The following SPAG16 variants were observed in gnomAD, a reference collection of about 807,000 sequenced individuals.
SPAG16 encodes sperm-associated antigen 16 protein.
A neutral mutation model predicts 80.4 loss-of-function variants in SPAG16; 86 were observed. The ratio of observed to expected loss-of-function variants is 1.07; its 90% CI spans 0.90 to 1.28. The LOEUF (loss-of-function observed/expected upper bound fraction) is 1.28. Ranked by LOEUF, SPAG16 falls within the 50% of genes most tolerant of loss-of-function variation. The probability of loss-of-function intolerance (pLI) is 0.00; values close to 1 mark genes in which losing one functional copy is unlikely to be tolerated. For synonymous variants in SPAG16, 294 were observed against 265.9 expected (o/e 1.11, Z -1.03); for missense variants, 870 against 765.3 (o/e 1.14, Z -1.61).
intron 10 of SPAG16, among the ~76,000 whole-genome samples, chr2:213,824,504 T>C (rs2073149078): frequency 6.6e-6 from 1 of 152,244 alleles, no homozygotes; most frequent in African/African-American, 2.4e-5. Flanking sequence ...GATTTTCCTT[T>C]CGCCTTTGTG....
chr2:214,410,304 A>C lies in SPAG16; in HGVS notation c.1885A>C (p.Thr629Pro), dbSNP rs143947286. 3 of 1,598,230 alleles carry C rather than the reference A, an allele frequency of 1.9e-6. No homozygotes were observed. The highest frequency in any genetic ancestry group is 2.6e-6 in the Non-Finnish European group (3 of 1,166,934). ...FSGGSDGTVRTWS is the reference protein window; with the variant it reads ...FSGGSDGTVRPWS ...TGGAGGCTCTGACGGCACAGTTCGAACGTGGTCTTGACCGTCAGCACATCC... is the reference window on the plus strand; with the variant it reads ...TGGAGGCTCTGACGGCACAGTTCGACCGTGGTCTTGACCGTCAGCACATCC... The change falls in exon 16 of 16, where the codon ACG becomes CCG. Residue 629 changes from threonine to proline, a missense_variant. By Grantham distance (38) the Thr-to-Pro change is conservative. Coordinates refer to ENST00000331683, the MANE Select transcript of SPAG16 (RefSeq NM_024532.5).
At position 214,177,001 on chromosome 2, in the gene SPAG16, G is replaced by T. The variant is rs2057110501; in HGVS notation, c.1720+27735G>T. Among the ~76,000 whole-genome samples the T allele has an allele frequency of 2.7e-5, 4 of 150,802 alleles. No individual in the cohort carries two copies. In the South Asian group the frequency reaches 8.3e-4, roughly 31 times the overall value. ...ATATCTATATTCAGTTATAATTGGG[G>T]AAAAACCCTCACTTCTGGAGTGCTG... On this transcript the variant is annotated intron_variant, in intron 15 of 15. Transcript: ENST00000331683.
At chr2:214,188,672 T>C (rs1335305668) in intron 15 of SPAG16, among the ~76,000 whole-genome samples, 3 of 152,172 alleles carry the variant, frequency 2.0e-5, no homozygotes, top group Non-Finnish European at 4.4e-5. Context: ...TCTAAGTCTC[T>C]TCCTATCCTT....
At chr2:213,350,111 A>C (rs939708770) in intron 6 of SPAG16, among the ~76,000 whole-genome samples, 4 of 152,226 alleles carry the variant, frequency 2.6e-5, no homozygotes, top group African/African-American at 9.6e-5. Flanking sequence ...ACTTGTTTTA[A>C]AGACTATCCT....
At chr2:214,152,862 C>A (rs2056044011) in intron 15 of SPAG16, among the ~76,000 whole-genome samples, 1 of 152,068 alleles carries the variant, frequency 6.6e-6, no homozygotes, top group Non-Finnish European at 1.5e-5. Context: ...ACAGCTTATG[C>A]CATTATTTCT....
In SPAG16 at chr2:213,348,355, C is replaced by T. The variant is rs141297299; in HGVS notation, c.645-2173C>T. ...CAGTTTGCCAGTCTGTGTCTTTTAA[C>T]GGGAGCATTTAGCCCATTTACATTT... On this transcript the variant is annotated intron_variant, in intron 6 of 15. Transcript: ENST00000331683. 2.3e-3 allele frequency among the ~76,000 whole-genome samples: 353 copies of T among 152,170 alleles called. 5 individuals are homozygous for T. The highest frequency in any genetic ancestry group is 0.015 in the Admixed American group (223 of 15,276).
chr2:213,734,311 T>C (rs2067191881), intron 10 of SPAG16, among the ~76,000 whole-genome samples: 1 of 152,176 alleles, frequency 6.6e-6, no homozygotes, highest in Non-Finnish European at 1.5e-5. Context: ...AGTTCTTAGC[T>C]ATTGGGTGTC....
At chr2:213,442,756 A>C (rs950604736) in intron 9 of SPAG16, among the ~76,000 whole-genome samples, 2 of 152,256 alleles carry the variant, frequency 1.3e-5, no homozygotes, top group African/African-American at 4.8e-5. Flanking sequence ...ATCTTTATAA[A>C]AATGAGCTCA....
At chr2:214,136,017 A>G (rs922720486) in intron 14 of SPAG16, among the ~76,000 whole-genome samples, 24 of 152,152 alleles carry the variant, frequency 1.6e-4, no homozygotes, top group African/African-American at 5.5e-4. Flanking sequence ...TCATGGCAGA[A>G]GAGGAAGGGG....
intron 10 of SPAG16, among the ~76,000 whole-genome samples, chr2:213,531,647 A>G (rs946797957): frequency 4.6e-5 from 7 of 152,038 alleles, no homozygotes; most frequent in Admixed American, 4.6e-4. Context: ...TCTTTTTCTT[A>G]TGCAGATCAT....
intron 11 of SPAG16, among the ~76,000 whole-genome samples, chr2:213,894,562 C>T (rs1346281328): frequency 6.6e-6 from 1 of 152,030 alleles, no homozygotes; most frequent in Non-Finnish European, 1.5e-5. Context: ...ACCACTTTAC[C>T]ACTCTTATTC....
chr2:213,913,681 A>G (rs919234660), intron 11 of SPAG16, among the ~76,000 whole-genome samples: 1 of 151,334 alleles, frequency 6.6e-6, no homozygotes, highest in African/African-American at 2.4e-5. Context: ...ATATGGATAT[A>G]TATGCATACA....
chr2:214,296,380 A>AT (rs1694133146), intron 15 of SPAG16, among the ~76,000 whole-genome samples: 1 of 152,194 alleles, frequency 6.6e-6, no homozygotes, highest in Non-Finnish European at 1.5e-5. Context: ...TTTGGATATA[A>AT]TAACTTCTTT....
intron 12 of SPAG16, among the ~76,000 whole-genome samples, chr2:213,941,098 T>C (rs1237300201): frequency 6.6e-6 from 1 of 152,164 alleles, no homozygotes; most frequent in Non-Finnish European, 1.5e-5. Flanking sequence ...CAAAATGCCA[T>C]CCCTTATATT....
intron 10 of SPAG16, among the ~76,000 whole-genome samples, chr2:213,496,885 C>A (rs568857812): frequency 1.3e-5 from 2 of 151,346 alleles, no homozygotes; most frequent in East Asian, 3.9e-4. Context: ...TTAGAATAAG[C>A]TTAAATTATG....
At chr2:214,382,460 G>A (rs566829748) in intron 15 of SPAG16, among the ~76,000 whole-genome samples, 5 of 152,310 alleles carry the variant, frequency 3.3e-5, no homozygotes, top group South Asian at 2.1e-4. Context: ...TAATAAGTAC[G>A]TTTATAACTC....
intron 15 of SPAG16, among the ~76,000 whole-genome samples, chr2:214,178,764 A>G (rs2057215087): frequency 6.6e-6 from 1 of 151,378 alleles, no homozygotes; most frequent in South Asian, 2.1e-4. Flanking sequence ...TTCGAAGCTG[A>G]ATTTCCTTAC....
At chr2:214,290,107 A>G (rs1693682785) in intron 15 of SPAG16, among the ~76,000 whole-genome samples, 1 of 151,838 alleles carries the variant, frequency 6.6e-6, no homozygotes. Context: ...CACAATTGGT[A>G]TGTTCAGGTT....
At chr2:214,190,376 A>G (rs755283350) in intron 15 of SPAG16, among the ~76,000 whole-genome samples, 6 of 151,998 alleles carry the variant, frequency 3.9e-5, no homozygotes, top group Non-Finnish European at 8.8e-5. Context: ...GTGCACTTCA[A>G]TTTTCTTCTT....
Sources: gnomAD v4.1 joint callset for allele counts (sites outside exome capture counted in the v4.1 genomes callset) on GRCh38, gnomAD v4.1.1 for gene constraint, MANE v1.5 for transcripts, NCBI Gene and HGNC (gene_info 2026-07-23, HGNC 2026-07-21) for gene names.